SV2B: variants seen among roughly 807,000 people sequenced by gnomAD.
The protein encoded by SV2B is solute carrier family 22 member B2.
Under a neutral mutation model 73.9 loss-of-function variants are expected in SV2B, and 41 were observed. The observed-to-expected ratio is 0.56, with a 90% CI of 0.43 to 0.72. The LOEUF (loss-of-function observed/expected upper bound fraction) is 0.72, where lower values mean the gene tolerates loss of function less well. SV2B is among the 30% of genes least tolerant of loss of function. SV2B has a pLI of 0.00. For missense variants in SV2B, 764 were observed against 857.8 expected, an observed-to-expected ratio of 0.89 and a Z score of 1.37; for synonymous variants, 314 against 314.2, an observed-to-expected ratio of 1.00 and a Z score of 0.01.
chr15:91,183,629 C>G (rs997127664), intron 1 of SV2B, among the ~76,000 whole-genome samples: 19 of 152,338 alleles, frequency 1.2e-4, no homozygotes, highest in Non-Finnish European at 2.6e-4. Flanking sequence ...AGCCTAAGTT[C>G]CCCTGTTGAA....
chr15:91,281,876 T>G lies in SV2B; in HGVS notation c.1507+15T>G, dbSNP rs1189341253. The G allele has an allele frequency of 6.9e-6, 11 of 1,598,472 alleles. No individual in the cohort carries two copies. Among genetic ancestry groups the G allele is most frequent in the Non-Finnish European group, 9.4e-6 (11 of 1,169,954 alleles). On this transcript the variant is annotated intron_variant, in intron 10 of 12. Transcript: ENST00000394232. The surrounding 1 kb of genome is among the most constrained non-coding windows in gnomAD (Gnocchi z 4.7). ...TTACAACACAGGTAGGTAAGAACATTGACAGATTGAATAGAAAGTAACAGG... is the reference window on the plus strand; with the variant it reads ...TTACAACACAGGTAGGTAAGAACATGGACAGATTGAATAGAAAGTAACAGG...
In SV2B at chr15:91,283,156, C is replaced by G. The variant is rs184707283; in HGVS notation, c.1508-865C>G. On this transcript the variant is annotated intron_variant, in intron 10 of 12. Transcript: ENST00000394232. This position sits in a 1 kb window ranked among gnomAD's most constrained non-coding sequence, Gnocchi z 4.3. ...TCCCCAAACGCAGGTTTCTAGGGAG[C>G]CTGTTTAGTACTTTTTCTGTCAGAA... is the stretch of plus-strand genomic sequence containing the variant. 8.9e-4 allele frequency among the ~76,000 whole-genome samples: 136 copies of G among 152,284 alleles called. No individual in the cohort carries two copies. The highest frequency in any genetic ancestry group is 3.1e-3 in the African/African-American group (127 of 41,558).
intron 2 of SV2B, among the ~76,000 whole-genome samples, chr15:91,248,056 T>A (rs1182201346): frequency 6.6e-6 from 1 of 152,242 alleles, no homozygotes; most frequent in Non-Finnish European, 1.5e-5. Flanking sequence ...AAGATCCTTG[T>A]CACGCCTGTA....
chr15:91,214,850 C>T lies in SV2B; in HGVS notation c.-391-11023C>T, dbSNP rs1195585457. Among the ~76,000 whole-genome samples, 1 of 152,180 alleles carries T rather than the reference C, an allele frequency of 6.6e-6. No individual in the cohort carries two copies. The highest frequency in any genetic ancestry group is 2.4e-5 in the African/African-American group (1 of 41,444). The stretch of plus-strand genomic sequence containing the variant: ...GTGGTTCTCCTCGTTCTTTCTGCTC[C>T]TCAATGCTGCCTTCAGGAGCAAGCC... On this transcript the variant is annotated intron_variant, in intron 1 of 12. Transcript: ENST00000394232. This position sits in a 1 kb window ranked among gnomAD's most constrained non-coding sequence, Gnocchi z 4.7.
In SV2B at chr15:91,270,994, T is replaced by G. The variant is rs1436310600; in HGVS notation, c.1373+2389T>G. Among the ~76,000 whole-genome samples, 3 of 151,548 alleles carry G rather than the reference T, an allele frequency of 2.0e-5. 1 individual carries two copies. Among genetic ancestry groups the G allele is most frequent in the Admixed American group, 6.6e-5 (1 of 15,258 alleles). On this transcript the variant is annotated intron_variant, in intron 9 of 12. Coordinates refer to ENST00000394232, the MANE Select transcript of SV2B (RefSeq NM_001323032.3). The stretch of plus-strand genomic sequence containing the variant: ...GATGATGGGCGGACGGTGAGTCCTG[T>G]GGATGATGGGAGGACGGTGAGTCCT...
intron 11 of SV2B, among the ~76,000 whole-genome samples, chr15:91,287,431 C>A (rs562051248): frequency 1.3e-5 from 2 of 152,342 alleles, no homozygotes; most frequent in African/African-American, 4.8e-5. Context: ...CACCCTATTT[C>A]CACCTCATTG....
intron 1 of SV2B, among the ~76,000 whole-genome samples, chr15:91,208,287 T>C (rs1380589899): frequency 1.3e-5 from 2 of 152,166 alleles, no homozygotes; most frequent in East Asian, 1.9e-4. Flanking sequence ...TCTATTTATA[T>C]GCACAACAGC....
rs146029946 is a variant in SV2B, at chr15:91,284,046, C to G, written c.1533C>G (p.Asn511Lys). ...ACCTCTACGAGCACAAGTTCATCAA[C>G]TGTCGGTTTATCAACTCCACCTTCC... ...NTDLYEHKFI[N>K]CRFINSTFLE... is the part of the protein sequence containing the mutation. Residue 511 changes from asparagine to lysine, a missense_variant, in exon 11 of 13, where the codon AAC (asparagine) becomes AAG (lysine). Coordinates refer to ENST00000394232, the MANE Select transcript of SV2B (RefSeq NM_001323032.3). The surrounding 1 kb of genome is among the most constrained non-coding windows in gnomAD (Gnocchi z 4.5). 1.2e-6 allele frequency: 2 copies of G among 1,614,220 alleles called. No individual in the cohort carries two copies. Among genetic ancestry groups the G allele is most frequent in the Non-Finnish European group, 1.7e-6 (2 of 1,180,046 alleles).
chr15:91,270,174 A>C (rs1288172630), intron 9 of SV2B, among the ~76,000 whole-genome samples: 1 of 152,226 alleles, frequency 6.6e-6, no homozygotes, highest in Non-Finnish European at 1.5e-5. Context: ...AATTCCCTAA[A>C]GGAGACCTCA....
intron 1 of SV2B, chr15:91,101,797 G>C (rs1180117578): frequency 6.6e-6 from 1 of 152,206 alleles, no homozygotes; most frequent in Admixed American, 6.5e-5. Context: ...GGTATTTGCA[G>C]TATGTGACTA....
chr15:91,170,851 G>GTTTTT (rs559969293), intron 1 of SV2B, among the ~76,000 whole-genome samples: 1 of 147,146 alleles, frequency 6.8e-6, no homozygotes. Flanking sequence ...TTGTATTTAG[G>GTTTTT]TTTTTTTTTT....
At chr15:91,134,873 T>C (rs1250333595) in intron 1 of SV2B, among the ~76,000 whole-genome samples, 3 of 152,230 alleles carry the variant, frequency 2.0e-5, no homozygotes, top group African/African-American at 7.2e-5. Flanking sequence ...CCACCTATTT[T>C]CTCAGCCTAC....
Position 91,224,775 on chromosome 15 carries a change from G to T in SV2B, c.-391-1098G>T, listed in dbSNP as rs2046321109. ...GCTGTTGTGGGAATTACAGATAAGA[G>T]ATGTGATACACTCAGCACATGTTCT... On this transcript the variant is annotated intron_variant, in intron 1 of 12. Transcript: ENST00000394232. This position sits in a 1 kb window ranked among gnomAD's most constrained non-coding sequence, Gnocchi z 4.9. 6.6e-6 allele frequency among the ~76,000 whole-genome samples: 1 copy of T among 152,126 alleles called. No individual in the cohort carries two copies. Among genetic ancestry groups the T allele is most frequent in the African/African-American group, 2.4e-5 (1 of 41,406 alleles).
rs180720592 is a variant in SV2B, at chr15:91,245,500, C to A, written c.452-6319C>A. ...TGGTGGTATGATGAATAGATTATTG[C>A]TTTACCTTTTATACATTTTGGGGGG... is the stretch of plus-strand genomic sequence containing the variant. On this transcript the variant is annotated intron_variant, in intron 2 of 12. Coordinates refer to ENST00000394232, the MANE Select transcript of SV2B (RefSeq NM_001323032.3). The surrounding 1 kb of genome is among the most constrained non-coding windows in gnomAD (Gnocchi z 4.2). Among the ~76,000 whole-genome samples, 82 of 152,292 alleles carry A rather than the reference C, an allele frequency of 5.4e-4. No homozygotes were observed. The highest frequency in any genetic ancestry group is 1.9e-3 in the African/African-American group (77 of 41,558).
At chr15:91,208,484 A>G (rs2045726258) in intron 1 of SV2B, among the ~76,000 whole-genome samples, 1 of 152,236 alleles carries the variant, frequency 6.6e-6, no homozygotes, top group Admixed American at 6.5e-5. Flanking sequence ...CACAGAAAAC[A>G]TCATGTATTT....
At chr15:91,278,165 T>C (rs1026647396) in intron 9 of SV2B, among the ~76,000 whole-genome samples, 9 of 152,200 alleles carry the variant, frequency 5.9e-5, no homozygotes, top group African/African-American at 1.9e-4. Flanking sequence ...TATTTCTTTC[T>C]TGGGGCTACA....
rs904079332 is a variant in SV2B at position 91,100,584 on chromosome 15, A to G, written c.-392+221A>G. ...GCCTGGAGCTGTGCGCTTCTTTGAA[A>G]GCGGCCTCCCCAAGGGCTGTTTTAA... On this transcript the variant is annotated intron_variant, in intron 1 of 12. Transcript: ENST00000394232. The surrounding 1 kb of genome is among the most constrained non-coding windows in gnomAD (Gnocchi z 6.4). 3.9e-5 allele frequency among the ~76,000 whole-genome samples: 6 copies of G among 152,226 alleles called. No individual in the cohort carries two copies. Among genetic ancestry groups the G allele is most frequent in the African/African-American group, 7.2e-5 (3 of 41,472 alleles).
rs1227345577 is a variant in SV2B at position 91,280,866 on chromosome 15, T to C, written c.1374-862T>C. On this transcript the variant is annotated intron_variant, in intron 9 of 12. Transcript: ENST00000394232. The surrounding 1 kb of genome is among the most constrained non-coding windows in gnomAD (Gnocchi z 5.8). ...TTTCTATCAGTTTCTTGTGTAGCTC[T>C]CCAGATATATTTGGAAGCATATGTA... 6.6e-6 allele frequency among the ~76,000 whole-genome samples: 1 copy of C among 152,250 alleles called. No individual in the cohort carries two copies. The highest frequency in any genetic ancestry group is 1.5e-5 in the Non-Finnish European group (1 of 68,050).
intron 1 of SV2B, among the ~76,000 whole-genome samples, chr15:91,181,959 A>G (rs911027783): frequency 1.3e-5 from 2 of 152,120 alleles, no homozygotes; most frequent in African/African-American, 4.8e-5. Flanking sequence ...GTATATATGT[A>G]TTTACATGTT....
Sources: allele counts gnomAD v4.1 joint callset (sites outside exome capture counted in the v4.1 genomes callset), GRCh38; gene constraint gnomAD v4.1.1; non-coding constraint Gnocchi (gnomAD v3.1); transcripts MANE v1.5; gene names NCBI Gene and HGNC (gene_info 2026-07-23, HGNC 2026-07-21).